Variants in RRP1B observed in about 807,000 individuals in gnomAD.
RRP1B encodes the protein ribosomal RNA processing 1B, also known as ribosomal RNA processing protein 1 homolog B.
A neutral mutation model predicts 80.2 loss-of-function variants in RRP1B; 56 were observed. The observed-to-expected ratio is 0.70, with a 90% CI of 0.56 to 0.87. The LOEUF (loss-of-function observed/expected upper bound fraction) is 0.87. RRP1B is among the 40% of genes least tolerant of loss of function. The probability of loss-of-function intolerance (pLI) is 0.00; values close to 1 mark genes in which losing one functional copy is unlikely to be tolerated. For synonymous variants in RRP1B, 351 were observed against 357.6 expected, an observed-to-expected ratio of 0.98 and a Z score of 0.21; for missense variants, 807 against 939.8, an observed-to-expected ratio of 0.86 and a Z score of 1.85.
Position 43,693,097 on chromosome 21 carries a change from TG to T in RRP1B, c.2084-89del. The T allele has an allele frequency of 7.6e-7, 1 of 1,320,716 alleles. No homozygotes were observed. The highest frequency in any genetic ancestry group is 1.1e-6 in the Non-Finnish European group (1 of 937,742). 81.8% of individuals were successfully genotyped at this position (1,320,716 alleles called of 1,614,324 possible). A position where few individuals can be genotyped will look rare whatever the true frequency, so the allele number is the denominator to read the frequency against. On this transcript the variant is annotated intron_variant, in intron 15 of 15. Transcript: ENST00000340648. The surrounding 1 kb of genome is among the most constrained non-coding windows in gnomAD (Gnocchi z 4.1). ...GCCCTGCTTCGTCCTAGCAAGTGGG[TG>T]GGGTCGGCACCCAGGCAGGACGCTG...
In RRP1B at chr21:43,690,263, C is replaced by G. The variant is rs376216164; in HGVS notation, c.1867-25C>G. On this transcript the variant is annotated intron_variant, in intron 13 of 15. Transcript: ENST00000340648. Reference sequence around the variant, plus strand: ...AGGCTCTGTCGTCTGACCCCTCCTCCGCTTCTCACCCCTCGCTCACGTAGG... The same window carrying G: ...AGGCTCTGTCGTCTGACCCCTCCTCGGCTTCTCACCCCTCGCTCACGTAGG... 5.0e-6 allele frequency: 8 copies of G among 1,612,580 alleles called. No homozygotes were observed. In the South Asian group the frequency reaches 5.5e-5, roughly 11 times the overall value.
In RRP1B at chr21:43,685,842, C is replaced by G. The variant is rs371735104; in HGVS notation, c.1009+53C>G. The G allele has an allele frequency of 2.6e-6, 4 of 1,561,668 alleles. No individual in the cohort carries two copies. The Admixed American group carries it at 7.5e-5, about 29-fold the overall frequency. On this transcript the variant is annotated intron_variant, in intron 11 of 15. Coordinates refer to ENST00000340648, the MANE Select transcript of RRP1B (RefSeq NM_015056.3). ...TGGTGTTTTTCGTGAATATGGACCC[C>G]ACTGGGGGCGTTGATGCCAAACGCT... is the stretch of plus-strand genomic sequence containing the variant.
At chr21:43,660,291 CG>C (rs2147155698) in intron 1 of RRP1B, among the ~76,000 whole-genome samples, 1 of 152,354 alleles carries the variant, frequency 6.6e-6, no homozygotes, top group Admixed American at 6.5e-5. Flanking sequence ...AGGCCGGGCG[CG>C]GTGTCTCACG....
intron 14 of RRP1B, among the ~76,000 whole-genome samples, chr21:43,690,791 G>T (rs1222140180): frequency 6.6e-6 from 1 of 152,248 alleles, no homozygotes; most frequent in Non-Finnish European, 1.5e-5. Flanking sequence ...ATGTGGGTCA[G>T]AGCAGGAACT....
chr21:43,679,671 A>G (rs1406165478), intron 8 of RRP1B, among the ~76,000 whole-genome samples: 1 of 152,244 alleles, frequency 6.6e-6, no homozygotes, highest in Admixed American at 6.5e-5. Flanking sequence ...TCTGTGAAGA[A>G]TGATGATGGT....
At chr21:43,670,378 C>T (rs2082994854) in intron 2 of RRP1B, among the ~76,000 whole-genome samples, 1 of 152,238 alleles carries the variant, frequency 6.6e-6, no homozygotes, top group Non-Finnish European at 1.5e-5. Context: ...TGGAGAGCAG[C>T]AGTAGCGCTC....
At chr21:43,690,481 A>T in intron 14 of RRP1B, 41 bp downstream of exon 14, 2 of 1,601,666 alleles carry the variant, frequency 1.2e-6, no homozygotes, top group Non-Finnish European at 1.7e-6. Flanking sequence ...ATTTCACCAC[A>T]AGGGCACAGA....
chr21:43,687,730 C>T lies in RRP1B; in HGVS notation c.1356C>T (p.Ser452=). The T allele has an allele frequency of 6.2e-7, 1 of 1,613,112 alleles. No homozygotes were observed. Among genetic ancestry groups the T allele is most frequent in the Non-Finnish European group, 8.5e-7 (1 of 1,179,922 alleles). Residue 452 remains serine (S), a synonymous_variant, in exon 13 of 16, where the codon TCC becomes TCT. Coordinates refer to ENST00000340648, the MANE Select transcript of RRP1B (RefSeq NM_015056.3). ...CCGAGCCAGGTGCAGAGGCCACGTC[C>T]AGCACTGGGGAGGAGAGTGGCTCCG... is the stretch of plus-strand genomic sequence containing the variant. ...RVAEPGAEAT[S]STGEESGSEH... is the part of the protein sequence containing the mutation.
chr21:43,681,083 G>C (rs528547262), intron 8 of RRP1B, among the ~76,000 whole-genome samples: 2 of 151,910 alleles, frequency 1.3e-5, no homozygotes, highest in South Asian at 4.2e-4. Flanking sequence ...CTACCAAAAA[G>C]TACAAAAATT....
At chr21:43,680,572 A>G (rs1436481744) in intron 8 of RRP1B, among the ~76,000 whole-genome samples, 1 of 152,056 alleles carries the variant, frequency 6.6e-6, no homozygotes, top group Non-Finnish European at 1.5e-5. Context: ...TCAAAAAAAA[A>G]AAAAGAGAGA....
At position 43,691,963 on chromosome 21, in the gene RRP1B, T is replaced by C. The variant is rs1247746900; in HGVS notation, c.2083+461T>C. Among the ~76,000 whole-genome samples, 1 of 152,100 alleles carries C rather than the reference T, an allele frequency of 6.6e-6. No individual in the cohort carries two copies. The highest frequency in any genetic ancestry group is 1.9e-4 in the East Asian group (1 of 5,178). On this transcript the variant is annotated intron_variant, in intron 15 of 15. Transcript: ENST00000340648. The surrounding 1 kb of genome is among the most constrained non-coding windows in gnomAD (Gnocchi z 4.2). ...AGCCCGGCCCCTCACTGCCCATTTC[T>C]GAGTCAGAAGGAAGCACCTATGTGT...
intron 3 of RRP1B, 46 bp from the exon 4 acceptor site, chr21:43,673,824 A>G (rs1171540870): frequency 1.7e-6 from 2 of 1,195,522 alleles, no homozygotes; most frequent in South Asian, 1.2e-5. Context: ...ATATGGTAGT[A>G]TGTTGATGTG....
chr21:43,663,398 G>A (rs564845194), intron 1 of RRP1B, among the ~76,000 whole-genome samples: 15 of 151,666 alleles, frequency 9.9e-5, no homozygotes, highest in East Asian at 7.8e-4. Context: ...CCCGAGTAGC[G>A]AGCGCCCACC....
At chr21:43,682,318 T>C (rs905422163) in intron 8 of RRP1B, among the ~76,000 whole-genome samples, 14 of 152,184 alleles carry the variant, frequency 9.2e-5, no homozygotes, top group Admixed American at 2.0e-4. Context: ...GTGCTGCGCC[T>C]GCCCCATCCT....
At chr21:43,681,385 C>T (rs550456766) in intron 8 of RRP1B, among the ~76,000 whole-genome samples, 196 of 138,374 alleles carry the variant, frequency 1.4e-3, no homozygotes, top group South Asian at 0.011. Flanking sequence ...GATGGAGTTT[C>T]GCTCTTGTCG....
intron 5 of RRP1B, 29 bp from the exon 6 acceptor site, chr21:43,675,005 T>C (rs762461179): frequency 6.2e-7 from 1 of 1,612,834 alleles, no homozygotes; most frequent in Admixed American, 1.7e-5. Context: ...CATACTGTCA[T>C]TCACAGAAGC....
chr21:43,666,564 A>T (rs1337460437), intron 1 of RRP1B, among the ~76,000 whole-genome samples: 1 of 152,192 alleles, frequency 6.6e-6, no homozygotes, highest in East Asian at 1.9e-4. Flanking sequence ...TAAAAACTAC[A>T]AAACTTAGCT....
intron 1 of RRP1B, among the ~76,000 whole-genome samples, chr21:43,661,251 C>T (rs760697355): frequency 3.8e-4 from 58 of 152,192 alleles, no homozygotes; most frequent in Non-Finnish European, 7.5e-4. Flanking sequence ...AAATTGTTGT[C>T]CCAGCCCATT....
chr21:43,670,450 T>G (rs1302174912), intron 2 of RRP1B, among the ~76,000 whole-genome samples: 1 of 152,244 alleles, frequency 6.6e-6, no homozygotes, highest in East Asian at 1.9e-4. Flanking sequence ...CGCAGCAGGC[T>G]CGGTCTCTCT....
Sources: allele counts gnomAD v4.1 joint callset (sites outside exome capture counted in the v4.1 genomes callset), GRCh38; gene constraint gnomAD v4.1.1; non-coding constraint Gnocchi (gnomAD v3.1); transcripts MANE v1.5; gene names NCBI Gene and HGNC (gene_info 2026-07-23, HGNC 2026-07-21).